The following GFPT1 variants were observed in gnomAD, a reference collection of about 807,000 sequenced individuals.
The protein encoded by GFPT1 is glutamine--fructose-6-phosphate transaminase 1, also known as glutamine--fructose-6-phosphate aminotransferase [isomerizing] 1.
In GFPT1, 40 loss-of-function variants were observed where a neutral mutation model predicts 92.0. The observed-to-expected ratio is 0.43, with a 90% CI of 0.34 to 0.57. GFPT1 has a LOEUF of 0.57. Among genes scored for constraint, GFPT1 ranks in the 20% least tolerant of loss-of-function variants. The pLI, the probability that GFPT1 is intolerant of heterozygous loss-of-function variation, is 0.02. For synonymous variants in GFPT1, 269 were observed against 280.6 expected, an observed-to-expected ratio of 0.96 and a Z score of 0.41; for missense variants, 448 against 869.1, an observed-to-expected ratio of 0.52 and a Z score of 6.09.
chr2:69,336,339 C>CAA (rs61141681), intron 15 of GFPT1, among the ~76,000 whole-genome samples: 4,969 of 97,564 alleles, frequency 0.051, 335 homozygotes, highest in East Asian at 0.2. Flanking sequence ...AGTCTGTCTC[C>CAA]AAAAAAAAAA....
chr2:69,382,313 A>C (rs920006949), intron 1 of GFPT1, among the ~76,000 whole-genome samples: 4 of 152,196 alleles, frequency 2.6e-5, no homozygotes, highest in Admixed American at 6.5e-5. Flanking sequence ...TTACAGACAA[A>C]GTTATAAGCA....
At chr2:69,348,083 C>T in intron 11 of GFPT1, 88 bp downstream of exon 11, 1 of 1,020,436 alleles carries the variant, frequency 9.8e-7, no homozygotes, top group Non-Finnish European at 1.6e-6. Context: ...ACTCATCATT[C>T]ATTACTAGAT....
At chr2:69,367,427 C>G (rs1671637687) in intron 3 of GFPT1, among the ~76,000 whole-genome samples, 1 of 152,146 alleles carries the variant, frequency 6.6e-6, no homozygotes, top group African/African-American at 2.4e-5. Flanking sequence ...GTGGCACGAT[C>G]TCAGCTCACT....
intron 4 of GFPT1, among the ~76,000 whole-genome samples, chr2:69,360,971 G>A (rs368270460): frequency 2.1e-4 from 32 of 152,096 alleles, no homozygotes; most frequent in African/African-American, 7.2e-4. Context: ...CTAATTTCAG[G>A]TGATCCACCT....
At position 69,351,674 on chromosome 2, in the gene GFPT1, G is replaced by T. The variant is rs530233834; in HGVS notation, c.740-1491C>A. On this transcript the variant is annotated intron_variant, in intron 9 of 19. Transcript: ENST00000357308. ...AGTTTTCCACCATCTGTGATTATTTGATGTTTTAGTGATGAAAACAAAGTA... is the reference window on the plus strand; with the variant it reads ...AGTTTTCCACCATCTGTGATTATTTTATGTTTTAGTGATGAAAACAAAGTA... 3.3e-5 allele frequency among the ~76,000 whole-genome samples: 5 copies of T among 152,218 alleles called. No individual in the cohort carries two copies. The South Asian group carries it at 8.3e-4, about 25-fold the overall frequency.
At chr2:69,378,161 T>C (rs1223166241) in intron 1 of GFPT1, among the ~76,000 whole-genome samples, 2 of 152,160 alleles carry the variant, frequency 1.3e-5, no homozygotes, top group Non-Finnish European at 2.9e-5. Flanking sequence ...GCCGCCGCCA[T>C]GCCCGGCTAA....
At position 69,329,793 on chromosome 2, in the gene GFPT1, A is replaced by G; in HGVS notation, c.1488T>C (p.Tyr496=). 1.3e-6 allele frequency: 2 copies of G among 1,556,190 alleles called. No individual in the cohort carries two copies. The highest frequency in any genetic ancestry group is 2.2e-5 in the South Asian group (2 of 89,942). The change falls in exon 16 of 20, where the codon TAT becomes TAC. Residue 496 remains tyrosine (Y), a synonymous_variant. Transcript: ENST00000357308. ...TCACAAGGGATACAAACTGGCTGGT[A>G]TAAGCCTGAAACATCACAAAAAAGC... ...PEIGVASTKA[Y]TSQFVSLVMF...
chr2:69,350,368 G>A (rs573195007), intron 9 of GFPT1, among the ~76,000 whole-genome samples, 185 bp from the exon 10 acceptor site: 1 of 152,202 alleles, frequency 6.6e-6, no homozygotes, highest in African/African-American at 2.4e-5. Context: ...GACAAAAAGT[G>A]TACAGTGAAG....
chr2:69,322,016 G>A lies in GFPT1; in HGVS notation c.*4173C>T, dbSNP rs540590582. On this transcript the variant is annotated 3_prime_UTR_variant, in exon 20 of 20. Transcript: ENST00000357308. ...GTCACTGTCACAGATCTGAAGATAT[G>A]TTTAAATTCATCAAGCTAGGAAGAT... is the stretch of plus-strand genomic sequence containing the variant. 10 of 152,196 alleles carry A rather than the reference G, an allele frequency of 6.6e-5. No homozygotes were observed. In the South Asian group the frequency reaches 2.1e-3, roughly 32 times the overall value. 9.4% of individuals were successfully genotyped at this position (152,196 alleles called of 1,614,324 possible).
At position 69,346,122 on chromosome 2, in the gene GFPT1, G is replaced by T. The variant is rs540695558; in HGVS notation, c.1010-123C>A. 3.8e-5 allele frequency: 26 copies of T among 676,664 alleles called. No homozygotes were observed. The African/African-American group carries it at 4.3e-4, about 11-fold the overall frequency. 41.9% of individuals were successfully genotyped at this position (676,664 alleles called of 1,614,324 possible). A position where few individuals can be genotyped will look rare whatever the true frequency, so the allele number is the denominator to read the frequency against. On this transcript the variant is annotated intron_variant, in intron 11 of 19. Coordinates refer to ENST00000357308, the MANE Select transcript of GFPT1 (RefSeq NM_001244710.2). ...AAATATAACAAAAGTTCATGCAATA[G>T]ACATGACTGCCTAAAAGATTGGGTG...
intron 12 of GFPT1, 144 bp downstream of exon 12, chr2:69,345,760 T>G: frequency 1.6e-6 from 1 of 629,074 alleles, no homozygotes; most frequent in South Asian, 1.9e-5. Context: ...CTAAAGAACT[T>G]TTTCCAAGAT....
At chr2:69,380,397 A>G (rs1320109428) in intron 1 of GFPT1, among the ~76,000 whole-genome samples, 1 of 152,152 alleles carries the variant, frequency 6.6e-6, no homozygotes, top group Admixed American at 6.6e-5. Flanking sequence ...CAAAAATAAC[A>G]TATGGAGTGA....
In GFPT1 at chr2:69,324,705, G is replaced by A. The variant is rs1048144920; in HGVS notation, c.*1484C>T. Reference sequence around the variant, plus strand: ...AAGAAAGAAAAGAAAGGAAAAAACAGCTTACTTAAATAATTGTGCTAAATA... The same window carrying A: ...AAGAAAGAAAAGAAAGGAAAAAACAACTTACTTAAATAATTGTGCTAAATA... On this transcript the variant is annotated 3_prime_UTR_variant, in exon 20 of 20. Coordinates refer to ENST00000357308, the MANE Select transcript of GFPT1 (RefSeq NM_001244710.2). 6.6e-6 allele frequency: 1 copy of A among 152,094 alleles called. No homozygotes were observed. The highest frequency in any genetic ancestry group is 1.5e-5 in the Non-Finnish European group (1 of 68,004). 9.4% of individuals were successfully genotyped at this position (152,094 alleles called of 1,614,324 possible). A position where few individuals can be genotyped will look rare whatever the true frequency, so the allele number is the denominator to read the frequency against.
intron 10 of GFPT1, 112 bp downstream of exon 10, chr2:69,349,966 T>TA (rs1671167469): frequency 1.3e-5 from 10 of 770,534 alleles, no homozygotes; most frequent in Non-Finnish European, 2.3e-5. Context: ...TTCTTTAATT[T>TA]AAAAAGTTAT....
intron 10 of GFPT1, 108 bp from the exon 11 acceptor site, chr2:69,348,442 C>A: frequency 1.1e-6 from 1 of 897,108 alleles, no homozygotes. Flanking sequence ...CTCTATCACT[C>A]TGCAGTATCT....
intron 1 of GFPT1, among the ~76,000 whole-genome samples, chr2:69,380,609 A>T (rs1162909117): frequency 1.3e-5 from 2 of 152,276 alleles, no homozygotes; most frequent in Admixed American, 1.3e-4. Flanking sequence ...TGAGAAAAAA[A>T]AGCATGTACT....
At position 69,362,633 on chromosome 2, in the gene GFPT1, T is replaced by C. The variant is rs889476944; in HGVS notation, c.349+912A>G. Among the ~76,000 whole-genome samples the C allele has an allele frequency of 7.3e-5, 11 of 151,620 alleles. No homozygotes were observed. The East Asian group carries it at 2.2e-3, about 30-fold the overall frequency. ...TAATACAGTGAAATGCCGTCTCTAC[T>C]AAAAATACAAAAAATTACCCGGGTG... On this transcript the variant is annotated intron_variant, in intron 4 of 19. Coordinates refer to ENST00000357308, the MANE Select transcript of GFPT1 (RefSeq NM_001244710.2).
intron 1 of GFPT1, among the ~76,000 whole-genome samples, chr2:69,384,336 C>T (rs1208760438): frequency 1.3e-5 from 2 of 152,148 alleles, no homozygotes; most frequent in Non-Finnish European, 2.9e-5. Flanking sequence ...ATCAGTATAT[C>T]TGATTGAAAA....
intron 18 of GFPT1, 43 bp from the exon 19 acceptor site, chr2:69,327,118 C>T (rs1558725120): frequency 6.3e-7 from 1 of 1,592,078 alleles, no homozygotes; most frequent in African/African-American, 1.3e-5. Flanking sequence ...CACTGGTGGG[C>T]AAAGGCAGGG....
Sources: gnomAD v4.1 joint callset for allele counts (sites outside exome capture counted in the v4.1 genomes callset) on GRCh38, gnomAD v4.1.1 for gene constraint, MANE v1.5 for transcripts, NCBI Gene and HGNC (gene_info 2026-07-23, HGNC 2026-07-21) for gene names.